Variants in MAN1C1 observed in about 807,000 individuals in gnomAD.
The protein encoded by MAN1C1 is mannosidase alpha class 1C member 1, also known as mannosyl-oligosaccharide 1,2-alpha-mannosidase IC.
Under a neutral mutation model 71.5 loss-of-function variants are expected in MAN1C1, and 49 were observed. That is an observed-to-expected ratio of 0.69 (90% CI 0.54 to 0.87). The LOEUF (loss-of-function observed/expected upper bound fraction) is 0.87. MAN1C1 is among the 40% of genes least tolerant of loss of function. MAN1C1 has a pLI of 0.00. For missense variants in MAN1C1, 743 were observed against 835.0 expected (o/e 0.89, Z 1.36); for synonymous variants, 352 against 343.7 (o/e 1.02, Z -0.27).
rs567638396 is a variant in MAN1C1 at position 25,664,161 on chromosome 1, G to A, written c.541-22279G>A. Among the ~76,000 whole-genome samples the A allele has an allele frequency of 1.2e-4, 19 of 152,210 alleles. No individual in the cohort carries two copies. The South Asian group carries it at 3.1e-3, about 25-fold the overall frequency. On this transcript the variant is annotated intron_variant, in intron 1 of 11. Coordinates refer to ENST00000374332, the MANE Select transcript of MAN1C1 (RefSeq NM_020379.4). Reference sequence around the variant, plus strand: ...TCTGCCCTCCACACGCTCTGTGGTCGCCTGTGTTGGGGGACCTGAGCGTTA... The same window carrying A: ...TCTGCCCTCCACACGCTCTGTGGTCACCTGTGTTGGGGGACCTGAGCGTTA...
At chr1:25,708,698 A>T (rs991695550) in intron 2 of MAN1C1, among the ~76,000 whole-genome samples, 2 of 152,222 alleles carry the variant, frequency 1.3e-5, no homozygotes, top group African/African-American at 4.8e-5. Flanking sequence ...CAGCCTGGGC[A>T]ACGTGGAGAA....
chr1:25,648,626 C>T (rs1011053259), intron 1 of MAN1C1, among the ~76,000 whole-genome samples: 1 of 152,238 alleles, frequency 6.6e-6, no homozygotes, highest in African/African-American at 2.4e-5. Context: ...AAGAGACAAG[C>T]CCTCACCTGG....
chr1:25,640,905 T>A (rs1170787173), intron 1 of MAN1C1, among the ~76,000 whole-genome samples: 1 of 152,218 alleles, frequency 6.6e-6, no homozygotes, highest in Non-Finnish European at 1.5e-5. Flanking sequence ...ATTAGACATT[T>A]CTGTGATTAG....
chr1:25,646,242 T>C (rs569511437), intron 1 of MAN1C1: 1 of 152,260 alleles, frequency 6.6e-6, no homozygotes, highest in Non-Finnish European at 1.5e-5. Context: ...TGTGGCCATC[T>C]CACCAACTAC....
At chr1:25,685,142 G>A (rs940981507) in intron 1 of MAN1C1, among the ~76,000 whole-genome samples, 4 of 152,146 alleles carry the variant, frequency 2.6e-5, no homozygotes, top group East Asian at 1.9e-4. Flanking sequence ...GTGTCTGGTC[G>A]GAAACTGGGC....
At position 25,686,587 on chromosome 1, in the gene MAN1C1, A is replaced by C. The variant is rs781242651; in HGVS notation, c.637+51A>C. 9 of 1,502,816 alleles carry C rather than the reference A, an allele frequency of 6.0e-6. No individual in the cohort carries two copies. In the South Asian group the frequency reaches 9.0e-5, roughly 15 times the overall value. 93.1% of individuals were successfully genotyped at this position (1,502,816 alleles called of 1,614,324 possible). ...ATTGGGAGGGACCCACCGCCCCGCC[A>C]GTGGCCGAGTGGAATTTTACTTTTG... is the stretch of plus-strand genomic sequence containing the variant. On this transcript the variant is annotated intron_variant, in intron 2 of 11. Transcript: ENST00000374332.
rs755372726 is a variant in MAN1C1 at position 25,753,464 on chromosome 1, T to G, written c.835-20T>G. 6.3e-7 allele frequency: 1 copy of G among 1,599,742 alleles called. No homozygotes were observed. The highest frequency in any genetic ancestry group is 8.5e-7 in the Non-Finnish European group (1 of 1,169,740). ...TCACCCAGCCTGGAGTCAAAAGCCC[T>G]TTGATCCCCTCCTTTACAGGTGTTC... On this transcript the variant is annotated intron_variant, in intron 4 of 11. Transcript: ENST00000374332. The surrounding 1 kb of genome is among the most constrained non-coding windows in gnomAD (Gnocchi z 4.9).
intron 1 of MAN1C1, among the ~76,000 whole-genome samples, chr1:25,655,625 C>T (rs1432489009): frequency 6.6e-6 from 1 of 152,118 alleles, no homozygotes; most frequent in Non-Finnish European, 1.5e-5. Flanking sequence ...AAGGCAGACT[C>T]TTCCTCCGAC....
chr1:25,751,912 C>T (rs1041828388), intron 4 of MAN1C1, among the ~76,000 whole-genome samples: 1 of 152,146 alleles, frequency 6.6e-6, no homozygotes, highest in African/African-American at 2.4e-5. Flanking sequence ...AGACTGAGGC[C>T]TCTCTCTTCC....
intron 1 of MAN1C1, among the ~76,000 whole-genome samples, chr1:25,677,106 A>G (rs2046079803): frequency 6.6e-6 from 1 of 152,190 alleles, no homozygotes; most frequent in African/African-American, 2.4e-5. Flanking sequence ...AAACCAAATA[A>G]TAATGTTCTG....
intron 1 of MAN1C1, among the ~76,000 whole-genome samples, chr1:25,676,414 A>C (rs1373255678): frequency 1.3e-5 from 2 of 152,150 alleles, no homozygotes; most frequent in African/African-American, 2.4e-5. Context: ...TATTTGCAGG[A>C]GCCTCACTGG....
chr1:25,760,580 C>T (rs1391399730), intron 6 of MAN1C1: 1 of 152,176 alleles, frequency 6.6e-6, no homozygotes. Context: ...CCAGGACAGT[C>T]GAGAGTAACG....
chr1:25,764,078 C>A lies in MAN1C1; in HGVS notation c.1141+111C>A. On this transcript the variant is annotated intron_variant, in intron 7 of 11. Coordinates refer to ENST00000374332, the MANE Select transcript of MAN1C1 (RefSeq NM_020379.4). The surrounding 1 kb of genome is among the most constrained non-coding windows in gnomAD (Gnocchi z 4.4). ...TGAGGATGTGTCTGTCAGAGCCATG[C>A]AGCCAGCAAGGCATTCGCTCGGTGC... 1.1e-6 allele frequency: 1 copy of A among 882,828 alleles called. No individual in the cohort carries two copies. Among genetic ancestry groups the A allele is most frequent in the Non-Finnish European group, 1.8e-6 (1 of 549,152 alleles). 54.7% of individuals were successfully genotyped at this position (882,828 alleles called of 1,614,324 possible). A position where few individuals can be genotyped will look rare whatever the true frequency, so the allele number is the denominator to read the frequency against.
rs759107191 is a variant in MAN1C1, at chr1:25,778,224, C to T, written c.1377C>T (p.Ile459=). 13 of 1,613,884 alleles carry T rather than the reference C, an allele frequency of 8.1e-6. No homozygotes were observed. The highest frequency in any genetic ancestry group is 3.3e-5 in the South Asian group (3 of 91,080). ...TGGCCTGTTTCTCCGGGGGCATGAT[C>T]GCCCTTGGCGCCGAGGATGCCAAGG... ...GHLACFSGGM[I]ALGAEDAKEE... Residue 459 remains isoleucine (I), a synonymous_variant, in exon 9 of 12, where the codon ATC becomes ATT. Coordinates refer to ENST00000374332, the MANE Select transcript of MAN1C1 (RefSeq NM_020379.4). This position sits in a 1 kb window ranked among gnomAD's most constrained non-coding sequence, Gnocchi z 5.5.
At chr1:25,695,602 C>G (rs574452951) in intron 2 of MAN1C1, among the ~76,000 whole-genome samples, 2 of 151,200 alleles carry the variant, frequency 1.3e-5, no homozygotes, top group African/African-American at 4.9e-5. Flanking sequence ...CACCGCCGAC[C>G]GACCACTCAC....
At chr1:25,768,226 CACACACTCCCCT>C (rs2047478250) in intron 7 of MAN1C1, among the ~76,000 whole-genome samples, 1 of 98,974 alleles carries the variant, frequency 1.0e-5, no homozygotes, top group Non-Finnish European at 2.1e-5. Context: ...ACACACATTA[CACACACTCCCCT>C]CACACACATC....
Position 25,650,241 on chromosome 1 carries a change from T to C in MAN1C1, c.540+31904T>C, listed in dbSNP as rs1037185773. Among the ~76,000 whole-genome samples, 3 of 152,256 alleles carry C rather than the reference T, an allele frequency of 2.0e-5. No individual in the cohort carries two copies. In the South Asian group the frequency reaches 6.2e-4, roughly 32 times the overall value. On this transcript the variant is annotated intron_variant, in intron 1 of 11. Coordinates refer to ENST00000374332, the MANE Select transcript of MAN1C1 (RefSeq NM_020379.4). Reference sequence around the variant, plus strand: ...CTTTTATAAATCAGGTCCTTAACATTGTTTCTTACCCAGTGTTTATTTCTC... The same window carrying C: ...CTTTTATAAATCAGGTCCTTAACATCGTTTCTTACCCAGTGTTTATTTCTC...
At chr1:25,766,761 G>C (rs956351634) in intron 7 of MAN1C1, among the ~76,000 whole-genome samples, 7 of 152,106 alleles carry the variant, frequency 4.6e-5, no homozygotes, top group African/African-American at 1.4e-4. Flanking sequence ...CCTCGGTGCG[G>C]CACCTGAGTA....
rs1182590929 is a variant in MAN1C1 at position 25,769,834 on chromosome 1, C to T, written c.1142-1823C>T. Among the ~76,000 whole-genome samples the T allele has an allele frequency of 1.3e-5, 2 of 152,204 alleles. No individual in the cohort carries two copies. The highest frequency in any genetic ancestry group is 6.5e-5 in the Admixed American group (1 of 15,278). On this transcript the variant is annotated intron_variant, in intron 7 of 11. Coordinates refer to ENST00000374332, the MANE Select transcript of MAN1C1 (RefSeq NM_020379.4). The surrounding 1 kb of genome is among the most constrained non-coding windows in gnomAD (Gnocchi z 4.8). ...GCGGGCACCCGATGGCAAGGGGGGC[C>T]CACCACCCAAGGGGAGTGCTGCCGC...
Sources: allele counts gnomAD v4.1 joint callset (sites outside exome capture counted in the v4.1 genomes callset), GRCh38; gene constraint gnomAD v4.1.1; non-coding constraint Gnocchi (gnomAD v3.1); transcripts MANE v1.5; gene names NCBI Gene and HGNC (gene_info 2026-07-23, HGNC 2026-07-21).